The following ENO2 variants were observed in gnomAD, a reference collection of about 807,000 sequenced individuals.
ENO2 encodes enolase 2, also known as gamma-enolase.
ENO2 carries 19 observed loss-of-function variants against 48.7 expected under a neutral mutation model. The ratio of observed to expected loss-of-function variants is 0.39; its 90% confidence interval spans 0.27 to 0.57. The LOEUF is 0.57. Ranked by LOEUF, ENO2 falls within the 20% of genes least tolerant of loss-of-function variation. The probability of loss-of-function intolerance (pLI) is 0.58; values close to 1 mark genes in which losing one functional copy is unlikely to be tolerated. For missense variants in ENO2, 416 were observed against 555.0 expected, an observed-to-expected ratio of 0.75 and a Z score of 2.52; for synonymous variants, 198 against 213.4, an observed-to-expected ratio of 0.93 and a Z score of 0.63.
chr12:6,915,552 A>C, intron 1 of ENO2: 4 of 426,248 alleles, frequency 9.4e-6, no homozygotes, highest in South Asian at 5.6e-5. Flanking sequence ...TCCTCACTGC[A>C]GTGTTCTCCC....
intron 5 of ENO2, 127 bp from the exon 6 acceptor site, chr12:6,917,454 T>C: frequency 7.6e-7 from 1 of 1,312,400 alleles, no homozygotes; most frequent in South Asian, 1.5e-5. Flanking sequence ...GAGGTGTTGC[T>C]GGGGCAGGGG....
chr12:6,922,662 G>T lies in ENO2; in HGVS notation c.1236-69G>T, dbSNP rs1945351157. 1 of 1,582,638 alleles carries T rather than the reference G, an allele frequency of 6.3e-7. No homozygotes were observed. The highest frequency in any genetic ancestry group is 1.1e-5 in the South Asian group (1 of 90,298). On this transcript the variant is annotated intron_variant, in intron 11 of 11. Transcript: ENST00000229277. The surrounding 1 kb of genome is among the most constrained non-coding windows in gnomAD (Gnocchi z 5.3). ...GTGTGGGGGTGGTTGGAGTCTGGGG[G>T]ACCCCTAGAGAGAGAAGCAGGATCC...
At chr12:6,917,460 A>C in intron 5 of ENO2, 121 bp from the exon 6 acceptor site, 1 of 1,339,110 alleles carries the variant, frequency 7.5e-7, no homozygotes, top group South Asian at 1.4e-5. Flanking sequence ...TTGCTGGGGC[A>C]GGGGTGGGGA....
In ENO2 at chr12:6,919,621, T is replaced by C. The variant is rs1945322154; in HGVS notation, c.723T>C (p.Val241=). The C allele has an allele frequency of 6.2e-7, 1 of 1,614,028 alleles. No individual in the cohort carries two copies. Among genetic ancestry groups the C allele is most frequent in the Admixed American group, 1.7e-5 (1 of 59,986 alleles). Reference sequence around the variant, plus strand: ...AGGCTGGCTACACGGAAAAGATCGTTATTGGCATGGATGTTGCTGCCTCAG... The same window carrying C: ...AGGCTGGCTACACGGAAAAGATCGTCATTGGCATGGATGTTGCTGCCTCAG... The part of the protein sequence containing the change: ...IDKAGYTEKI[V]IGMDVAASEF... Residue 241 remains valine (V), a synonymous_variant, in exon 8 of 12, where the codon GTT becomes GTC. Coordinates refer to ENST00000229277, the MANE Select transcript of ENO2 (RefSeq NM_001975.3).
chr12:6,923,061 G>T lies in ENO2; in HGVS notation c.*261G>T. 2.2e-6 allele frequency: 1 copy of T among 458,888 alleles called. No homozygotes were observed. The highest frequency in any genetic ancestry group is 4.0e-6 in the Non-Finnish European group (1 of 249,362). 28.4% of individuals were successfully genotyped at this position (458,888 alleles called of 1,614,324 possible). A position where few individuals can be genotyped will look rare whatever the true frequency, so the allele number is the denominator to read the frequency against. Reference sequence around the variant, plus strand: ...CTCTCTTCCCTCAGAAACTAGAAATGTGAATGAGGATTATTATAAAAGGGG... The same window carrying T: ...CTCTCTTCCCTCAGAAACTAGAAATTTGAATGAGGATTATTATAAAAGGGG... On this transcript the variant is annotated 3_prime_UTR_variant, in exon 12 of 12. Transcript: ENST00000229277.
In ENO2 at chr12:6,919,606, C is replaced by A. The variant is rs1698320831; in HGVS notation, c.708C>A (p.Tyr236Ter). The change falls in exon 8 of 12, where the codon TAC (tyrosine) becomes TAA (stop). Residue 236 changes from tyrosine to a stop codon, truncating the protein, a stop_gained. Transcript: ENST00000229277. LOFTEE classifies it high-confidence loss of function. ...LVKEAIDKAGYTEKIVIGMDV... is the reference protein window; with the variant it reads ...LVKEAIDKAG ...AGGAAGCCATCGACAAGGCTGGCTACACGGAAAAGATCGTTATTGGCATGG... is the reference window on the plus strand; with the variant it reads ...AGGAAGCCATCGACAAGGCTGGCTAAACGGAAAAGATCGTTATTGGCATGG... 6.2e-7 allele frequency: 1 copy of A among 1,614,026 alleles called. No individual in the cohort carries two copies. Among genetic ancestry groups the A allele is most frequent in the African/African-American group, 1.3e-5 (1 of 74,892 alleles).
chr12:6,920,147 T>TAGAA (rs782724977), intron 8 of ENO2, among the ~76,000 whole-genome samples: 89 of 152,034 alleles, frequency 5.9e-4, no homozygotes, highest in African/African-American at 2.1e-3. Flanking sequence ...GATGTGTGAG[T>TAGAA]AGAAAGAAGG....
In ENO2 at chr12:6,915,932, A is replaced by G; in HGVS notation, c.85+15A>G. 1 of 1,613,642 alleles carries G rather than the reference A, an allele frequency of 6.2e-7. No individual in the cohort carries two copies. Among genetic ancestry groups the G allele is most frequent in the South Asian group, 1.1e-5 (1 of 91,080 alleles). The stretch of plus-strand genomic sequence containing the variant: ...TACTGCCAAAGGTAATGGGTGTGGC[A>G]TGGGCCTTCCTACAGCCCTAGCTTT... On this transcript the variant is annotated intron_variant, in intron 2 of 11. Transcript: ENST00000229277.
chr12:6,916,313 A>G lies in ENO2; in HGVS notation c.86-104A>G. The G allele has an allele frequency of 9.9e-7, 1 of 1,010,868 alleles. No homozygotes were observed. The allele number at this position is 1,010,868 out of a possible 1,614,324, so 62.6% of individuals were successfully genotyped here. A position where few individuals can be genotyped will look rare whatever the true frequency, so the allele number is the denominator to read the frequency against. ...GGGGATGTTAGGGAGCAGTGTGGGGAGAGAGCTAGATGTGGTAGGCAGGCA... is the reference window on the plus strand; with the variant it reads ...GGGGATGTTAGGGAGCAGTGTGGGGGGAGAGCTAGATGTGGTAGGCAGGCA... On this transcript the variant is annotated intron_variant, in intron 2 of 11. Coordinates refer to ENST00000229277, the MANE Select transcript of ENO2 (RefSeq NM_001975.3). The surrounding 1 kb of genome is among the most constrained non-coding windows in gnomAD (Gnocchi z 4.5).
In ENO2 at chr12:6,920,529, A is replaced by T. The variant is rs782248206; in HGVS notation, c.865+766A>T. ...ATTCTTCTGCCTCAGCCTCCCGAAT[A>T]GCTGGGATTACAGGCATGTGCCACC... On this transcript the variant is annotated intron_variant, in intron 8 of 11. Coordinates refer to ENST00000229277, the MANE Select transcript of ENO2 (RefSeq NM_001975.3). 1.3e-4 allele frequency among the ~76,000 whole-genome samples: 19 copies of T among 151,538 alleles called. No individual in the cohort carries two copies. The East Asian group carries it at 3.7e-3, about 29-fold the overall frequency.
At chr12:6,917,540 A>G in intron 5 of ENO2, 41 bp from the exon 6 acceptor site, 2 of 1,590,484 alleles carry the variant, frequency 1.3e-6, no homozygotes, top group Non-Finnish European at 1.7e-6. Context: ...AGAAAGGAGA[A>G]GGGGACATTG....
In ENO2 at chr12:6,921,790, A is replaced by C; in HGVS notation, c.1067+8A>C. The C allele has an allele frequency of 6.2e-7, 1 of 1,613,710 alleles. No homozygotes were observed. Among genetic ancestry groups the C allele is most frequent in the Non-Finnish European group, 8.5e-7 (1 of 1,179,814 alleles). ...CACTGAAGCCATCCAAGCGTGAGTG[A>C]CTTCTGGCCCTCTCCTGTGTGGTCC... On this transcript the variant is annotated splice_region_variant and intron_variant, in intron 9 of 11. Transcript: ENST00000229277.
rs1945304855 is a variant in ENO2, at chr12:6,917,738, C to G, written c.444+24C>G. The G allele has an allele frequency of 3.7e-6, 6 of 1,600,916 alleles. No homozygotes were observed. In the East Asian group the frequency reaches 1.3e-4, roughly 36 times the overall value. On this transcript the variant is annotated intron_variant, in intron 6 of 11. Transcript: ENST00000229277. The stretch of plus-strand genomic sequence containing the variant: ...CGGTGAGCAATAAGCCAGCCTGCGG[C>G]TCTCCCAGGGGCGGGTGGGGGAGGG...
In ENO2 at chr12:6,916,540, T is replaced by TATG. The variant is rs782419392; in HGVS notation, c.181+28_181+29insATG. 21 of 1,612,888 alleles carry TATG rather than the reference T, an allele frequency of 1.3e-5. No homozygotes were observed. The African/African-American group carries it at 2.8e-4, about 22-fold the overall frequency. ...GAGGTCCCTTCTCTTTTCCAGACTC[T>TATG]CCCCCACCTCAGCCTTATGCCCCTA... On this transcript the variant is annotated intron_variant, in intron 3 of 11. Coordinates refer to ENST00000229277, the MANE Select transcript of ENO2 (RefSeq NM_001975.3). The surrounding 1 kb of genome is among the most constrained non-coding windows in gnomAD (Gnocchi z 4.5).
intron 5 of ENO2, chr12:6,917,377 C>G: frequency 2.7e-6 from 2 of 748,210 alleles, no homozygotes; most frequent in South Asian, 3.8e-5. Flanking sequence ...AGGTGTGGCT[C>G]TCTGCCGTTT....
chr12:6,921,555 C>T (rs185811585), intron 8 of ENO2, 26 bp from the exon 9 acceptor site: 1 of 1,611,592 alleles, frequency 6.2e-7, no homozygotes, highest in Admixed American at 1.7e-5. Context: ...AACACCTCCC[C>T]CCTCCCCACC....
chr12:6,922,107 A>G lies in ENO2; in HGVS notation c.1119A>G (p.Ser373=). The part of the protein sequence containing the change: ...NGWGVMVSHR[S]GETEDTFIAD... ...GGGGGGTCATGGTGAGTCATCGCTC[A>G]GGAGAGACTGAGGACACATTCATTG... Residue 373 remains serine (S), a synonymous_variant, in exon 10 of 12, where the codon TCA becomes TCG. Transcript: ENST00000229277. The surrounding 1 kb of genome is among the most constrained non-coding windows in gnomAD (Gnocchi z 5.3). The G allele has an allele frequency of 6.2e-7, 1 of 1,614,184 alleles. No homozygotes were observed. Among genetic ancestry groups the G allele is most frequent in the Non-Finnish European group, 8.5e-7 (1 of 1,180,024 alleles).
Position 6,915,906 on chromosome 12 carries a change from A to G in ENO2, c.74A>G (p.Tyr25Cys), listed in dbSNP as rs1164088284. The G allele has an allele frequency of 2.2e-5, 35 of 1,613,712 alleles. No individual in the cohort carries two copies. Among genetic ancestry groups the G allele is most frequent in the Non-Finnish European group, 2.7e-5 (32 of 1,179,860 alleles). ...AACCCCACAGTGGAGGTGGATCTCT[A>G]TACTGCCAAAGGTAATGGGTGTGGC... is the stretch of plus-strand genomic sequence containing the variant. ...RGNPTVEVDL[Y>C]TAKGLFRAAV... Residue 25 changes from tyrosine to cysteine, a missense_variant, in exon 2 of 12, where the codon TAT (tyrosine) becomes TGT (cysteine). Transcript: ENST00000229277.
chr12:6,919,447 C>A, intron 7 of ENO2, 119 bp from the exon 8 acceptor site: 1 of 1,124,344 alleles, frequency 8.9e-7, no homozygotes, highest in East Asian at 2.5e-5. Context: ...CAACAGCATC[C>A]CCGCCACACT....
Sources: allele counts gnomAD v4.1 joint callset (sites outside exome capture counted in the v4.1 genomes callset), GRCh38; gene constraint gnomAD v4.1.1; non-coding constraint Gnocchi (gnomAD v3.1); transcripts MANE v1.5; gene names NCBI Gene and HGNC (gene_info 2026-07-23, HGNC 2026-07-21).